Variants in KIDINS220 observed in about 807,000 individuals in gnomAD.
KIDINS220 encodes the protein kinase D interacting substrate 220.
Under a neutral mutation model 157.6 loss-of-function variants are expected in KIDINS220, and 63 were observed. The observed-to-expected ratio is 0.40, with a 90% confidence interval of 0.33 to 0.49. KIDINS220 has a LOEUF of 0.49. Among genes scored for constraint, KIDINS220 ranks in the 20% least tolerant of loss-of-function variants. The probability of loss-of-function intolerance (pLI) is 0.66; values close to 1 mark genes in which losing one functional copy is unlikely to be tolerated. For missense variants in KIDINS220, 1,772 were observed against 2,171.2 expected (o/e 0.82, Z 3.65); for synonymous variants, 732 against 783.6 (o/e 0.93, Z 1.10).
At chr2:8,767,724 T>C (rs1485971338) in intron 22 of KIDINS220, among the ~76,000 whole-genome samples, 1 of 152,184 alleles carries the variant, frequency 6.6e-6, no homozygotes, top group East Asian at 1.9e-4. Flanking sequence ...TTATGAAAGC[T>C]TTGGGTGAAT....
chr2:8,742,484 A>G (rs1356810207), intron 26 of KIDINS220, among the ~76,000 whole-genome samples: 1 of 152,164 alleles, frequency 6.6e-6, no homozygotes, highest in Non-Finnish European at 1.5e-5. Context: ...TCTTCATTCA[A>G]TAGTTTTCAT....
chr2:8,806,498 T>C (rs1675476418), intron 6 of KIDINS220, 129 bp from the exon 7 acceptor site: 1 of 577,640 alleles, frequency 1.7e-6, no homozygotes, highest in South Asian at 3.1e-5. Context: ...TTTATCGTAA[T>C]TGTAATCTTA....
intron 8 of KIDINS220, among the ~76,000 whole-genome samples, chr2:8,801,733 C>T (rs1250392522): frequency 6.6e-6 from 1 of 152,136 alleles, no homozygotes; most frequent in East Asian, 1.9e-4. Context: ...TAGTGAGACC[C>T]TGTCTCTCAA....
At chr2:8,825,554 T>G (rs1219071635) in intron 2 of KIDINS220, among the ~76,000 whole-genome samples, 1 of 152,100 alleles carries the variant, frequency 6.6e-6, no homozygotes, top group African/African-American at 2.4e-5. Flanking sequence ...GATATATATG[T>G]AAGCAAATAT....
At chr2:8,781,886 C>A (rs1671773746) in intron 17 of KIDINS220, among the ~76,000 whole-genome samples, 1 of 152,088 alleles carries the variant, frequency 6.6e-6, no homozygotes, top group Non-Finnish European at 1.5e-5. Flanking sequence ...CTTTGGGAGG[C>A]CAAGGTGGGT....
chr2:8,747,189 C>G lies in KIDINS220; in HGVS notation c.3541G>C (p.Glu1181Gln), dbSNP rs1314890393. 6.2e-7 allele frequency: 1 copy of G among 1,614,104 alleles called. No individual in the cohort carries two copies. The highest frequency in any genetic ancestry group is 8.5e-7 in the Non-Finnish European group (1 of 1,179,996). The change falls in exon 26 of 30, where the codon GAG (glutamate) becomes CAG (glutamine). Residue 1181 changes from glutamate to glutamine, a missense_variant. Transcript: ENST00000256707. The stretch of plus-strand genomic sequence containing the variant: ...GAAGAAAGCCCCTCAGCAGCATCCT[C>G]CTTGATAACTTCCTAACAACACAAA... ...DQNNGLEVIKEDAAEGLSSPT... is the reference protein window; with the variant it reads ...DQNNGLEVIKQDAAEGLSSPT...
At chr2:8,824,689 A>C (rs958691682) in intron 2 of KIDINS220, among the ~76,000 whole-genome samples, 3 of 152,114 alleles carry the variant, frequency 2.0e-5, no homozygotes, top group Admixed American at 2.0e-4. Flanking sequence ...AAAAACAAAA[A>C]ACACAAGCAA....
At chr2:8,764,665 C>T (rs961202739) in intron 22 of KIDINS220, among the ~76,000 whole-genome samples, 1 of 152,166 alleles carries the variant, frequency 6.6e-6, no homozygotes, top group Non-Finnish European at 1.5e-5. Flanking sequence ...AAACATTTTA[C>T]CCATATTTAA....
intron 22 of KIDINS220, among the ~76,000 whole-genome samples, chr2:8,766,378 G>A (rs1669499786): frequency 6.6e-6 from 1 of 152,046 alleles, no homozygotes; most frequent in Non-Finnish European, 1.5e-5. Flanking sequence ...TTCTCCATGA[G>A]GACAATCCTG....
chr2:8,777,624 T>C (rs573851842), intron 20 of KIDINS220, among the ~76,000 whole-genome samples: 1 of 152,304 alleles, frequency 6.6e-6, no homozygotes, highest in South Asian at 2.1e-4. Flanking sequence ...TTTTAAAGTA[T>C]GTGAAAACTA....
intron 22 of KIDINS220, among the ~76,000 whole-genome samples, chr2:8,754,037 A>C (rs1667700599): frequency 6.6e-6 from 1 of 152,250 alleles, no homozygotes; most frequent in South Asian, 2.1e-4. Context: ...AATGGTTGCA[A>C]GTGGTGATAA....
intron 1 of KIDINS220, among the ~76,000 whole-genome samples, chr2:8,829,144 C>T (rs1419375630): frequency 2.0e-5 from 3 of 152,112 alleles, no homozygotes; most frequent in Admixed American, 6.5e-5. Context: ...GAAAACAGAT[C>T]GGGGCTGCCA....
chr2:8,803,740 T>C (rs1675046993), intron 7 of KIDINS220, among the ~76,000 whole-genome samples: 1 of 152,164 alleles, frequency 6.6e-6, no homozygotes, highest in Non-Finnish European at 1.5e-5. Flanking sequence ...CCAGGTACGA[T>C]GACCCACACC....
intron 11 of KIDINS220, 95 bp downstream of exon 11, chr2:8,796,676 C>T: frequency 1.1e-6 from 1 of 941,340 alleles, no homozygotes; most frequent in East Asian, 2.4e-5. Flanking sequence ...TCTCCCCACA[C>T]AACCTAAAAT....
At chr2:8,786,410 A>C in intron 15 of KIDINS220, 53 bp from the exon 16 acceptor site, 1 of 1,349,992 alleles carries the variant, frequency 7.4e-7, no homozygotes, top group Non-Finnish European at 1.1e-6. Flanking sequence ...GTAACAAATA[A>C]CTTCAATGTA....
chr2:8,726,812 TG>T, downstream of KIDINS220: 1 of 608,612 alleles, frequency 1.6e-6, no homozygotes, highest in Non-Finnish European at 2.7e-6. Flanking sequence ...GTCACAGATG[TG>T]GTCCTTTGTT....
intron 6 of KIDINS220, among the ~76,000 whole-genome samples, chr2:8,808,231 T>G (rs984085385): frequency 6.6e-6 from 1 of 152,222 alleles, no homozygotes; most frequent in Non-Finnish European, 1.5e-5. Flanking sequence ...CCTCCTCTTT[T>G]GCGGATAATA....
intron 23 of KIDINS220, 119 bp downstream of exon 23, chr2:8,751,347 T>C: frequency 1.4e-6 from 1 of 702,068 alleles, no homozygotes; most frequent in South Asian, 1.9e-5. Context: ...TTCTGTGTAG[T>C]GCTTAGTTCA....
intron 22 of KIDINS220, among the ~76,000 whole-genome samples, chr2:8,769,432 G>A (rs549424980): frequency 7.9e-5 from 12 of 152,184 alleles, no homozygotes; most frequent in African/African-American, 2.9e-4. Flanking sequence ...GTTCCTAAAC[G>A]AAGGCTTATT....
Sources: gnomAD v4.1 joint callset for allele counts (sites outside exome capture counted in the v4.1 genomes callset) on GRCh38, gnomAD v4.1.1 for gene constraint, MANE v1.5 for transcripts, NCBI Gene and HGNC (gene_info 2026-07-23, HGNC 2026-07-21) for gene names.